The following CADM1 variants were observed in gnomAD, a reference collection of about 807,000 sequenced individuals.
CADM1 encodes the protein cell adhesion molecule 1.
Under a neutral mutation model 53.1 loss-of-function variants are expected in CADM1, and 15 were observed. That is an observed-to-expected ratio of 0.28 (90% CI 0.19 to 0.44). The LOEUF (loss-of-function observed/expected upper bound fraction) is 0.44. Among genes scored for constraint, CADM1 ranks in the 20% least tolerant of loss-of-function variants. CADM1 has a pLI of 1.00. For missense variants in CADM1, 434 were observed against 611.3 expected (o/e 0.71, Z 3.06); for synonymous variants, 281 against 243.0 (o/e 1.16, Z -1.45).
chr11:115,215,746 G>A (rs1941155794), intron 6 of CADM1, among the ~76,000 whole-genome samples: 1 of 152,210 alleles, frequency 6.6e-6, no homozygotes, highest in African/African-American at 2.4e-5. Flanking sequence ...AACCTCCTAT[G>A]AAGTTGAGGC....
rs1412230480 is a variant in CADM1 at position 115,311,495 on chromosome 11, T to C, written c.125-71075A>G. 2.0e-5 allele frequency among the ~76,000 whole-genome samples: 3 copies of C among 152,292 alleles called. No individual in the cohort carries two copies. The East Asian group carries it at 5.8e-4, about 29-fold the overall frequency. On this transcript the variant is annotated intron_variant, in intron 1 of 11. Coordinates refer to ENST00000331581, the MANE Select transcript of CADM1 (RefSeq NM_001301043.2). ...AGGATAGGAAAATCTGCCCCTAGTGTAGACCGTGGGTTTCATATCCCGTAA... is the reference window on the plus strand; with the variant it reads ...AGGATAGGAAAATCTGCCCCTAGTGCAGACCGTGGGTTTCATATCCCGTAA...
chr11:115,494,762 GATAA>G (rs1397674101), intron 1 of CADM1, among the ~76,000 whole-genome samples: 2 of 152,136 alleles, frequency 1.3e-5, no homozygotes, highest in African/African-American at 2.4e-5. Flanking sequence ...AAAAGTGATT[GATAA>G]ATAGAGATAG....
At chr11:115,340,260 G>A (rs558904627) in intron 1 of CADM1, 6 of 152,158 alleles carry the variant, frequency 3.9e-5, no homozygotes, top group African/African-American at 1.2e-4. Flanking sequence ...AAAATAATGT[G>A]TAGGTTTATG....
chr11:115,318,139 C>T (rs1006438389), intron 1 of CADM1, among the ~76,000 whole-genome samples: 1 of 152,114 alleles, frequency 6.6e-6, no homozygotes, highest in African/African-American at 2.4e-5. Context: ...TAATGAGTCT[C>T]TATATCTAAA....
At chr11:115,382,995 C>T (rs1022736840) in intron 1 of CADM1, among the ~76,000 whole-genome samples, 1 of 152,208 alleles carries the variant, frequency 6.6e-6, no homozygotes, top group Non-Finnish European at 1.5e-5. Flanking sequence ...CTTAAAAGCT[C>T]TCACAATAGG....
chr11:115,299,687 C>T (rs1944169259), intron 1 of CADM1, among the ~76,000 whole-genome samples: 1 of 152,100 alleles, frequency 6.6e-6, no homozygotes, highest in African/African-American at 2.4e-5. Context: ...TAAGGTTGGA[C>T]TCCATTATAC....
intron 1 of CADM1, among the ~76,000 whole-genome samples, chr11:115,265,696 A>G (rs1190583957): frequency 6.6e-6 from 1 of 152,206 alleles, no homozygotes; most frequent in Non-Finnish European, 1.5e-5. Context: ...AATCCAAAAG[A>G]ATGACTTATG....
chr11:115,296,081 G>T (rs1944071086), intron 1 of CADM1, among the ~76,000 whole-genome samples: 1 of 152,116 alleles, frequency 6.6e-6, no homozygotes, highest in African/African-American at 2.4e-5. Context: ...CTCCCGAGTA[G>T]CTGGGACTAC....
chr11:115,427,444 G>A lies in CADM1; in HGVS notation c.124+76827C>T, dbSNP rs558356216. Among the ~76,000 whole-genome samples the A allele has an allele frequency of 2.3e-4, 35 of 152,266 alleles. No homozygotes were observed. In the East Asian group the frequency reaches 3.5e-3, roughly 15 times the overall value. On this transcript the variant is annotated intron_variant, in intron 1 of 11. Coordinates refer to ENST00000331581, the MANE Select transcript of CADM1 (RefSeq NM_001301043.2). Reference sequence around the variant, plus strand: ...AATGATGAGGACAGAATGATACTACGTATGCTGTCCCATAGGGTTTCTATG... The same window carrying A: ...AATGATGAGGACAGAATGATACTACATATGCTGTCCCATAGGGTTTCTATG...
chr11:115,278,012 A>T (rs1054478715), intron 1 of CADM1, among the ~76,000 whole-genome samples: 6 of 151,982 alleles, frequency 3.9e-5, no homozygotes, highest in Non-Finnish European at 8.8e-5. Context: ...CTATCCTGTA[A>T]TTCCCACCCC....
At chr11:115,452,501 G>A (rs970795016) in intron 1 of CADM1, among the ~76,000 whole-genome samples, 1 of 152,202 alleles carries the variant, frequency 6.6e-6, no homozygotes, top group Non-Finnish European at 1.5e-5. Context: ...AATATCAACA[G>A]TATGTTTGAT....
chr11:115,217,187 T>C (rs1310661652), intron 6 of CADM1, among the ~76,000 whole-genome samples: 1 of 152,220 alleles, frequency 6.6e-6, no homozygotes, highest in Non-Finnish European at 1.5e-5. Context: ...GTTAAAATGG[T>C]ACCACTGTGT....
chr11:115,416,740 G>T (rs566293981), intron 1 of CADM1, among the ~76,000 whole-genome samples: 1 of 143,016 alleles, frequency 7.0e-6, no homozygotes, highest in East Asian at 2.0e-4. Context: ...CACACAGATA[G>T]ATATTGTACT....
chr11:115,309,902 C>T (rs1944486034), intron 1 of CADM1, among the ~76,000 whole-genome samples: 2 of 152,156 alleles, frequency 1.3e-5, no homozygotes, highest in Non-Finnish European at 2.9e-5. Context: ...TAGCCTCATG[C>T]TTAGAAATCC....
At chr11:115,469,596 T>C (rs1211511174) in intron 1 of CADM1, among the ~76,000 whole-genome samples, 3 of 152,038 alleles carry the variant, frequency 2.0e-5, no homozygotes, top group African/African-American at 4.8e-5. Flanking sequence ...TGGTTCTTTA[T>C]TTAGTTTTTA....
intron 1 of CADM1, among the ~76,000 whole-genome samples, chr11:115,440,068 A>G (rs934435879): frequency 6.6e-6 from 1 of 152,236 alleles, no homozygotes; most frequent in African/African-American, 2.4e-5. Context: ...CTCATAAATT[A>G]CTTAAATGTC....
intron 1 of CADM1, among the ~76,000 whole-genome samples, chr11:115,424,674 G>T (rs760358888): frequency 1.3e-5 from 2 of 151,944 alleles, no homozygotes; most frequent in Non-Finnish European, 2.9e-5. Context: ...TTACAGATGT[G>T]CACCACCATG....
At chr11:115,500,952 TC>T (rs1274581064) in intron 1 of CADM1, among the ~76,000 whole-genome samples, 1 of 152,212 alleles carries the variant, frequency 6.6e-6, no homozygotes, top group Non-Finnish European at 1.5e-5. Context: ...GTCTTCCCTG[TC>T]CCACTCCCCT....
intron 1 of CADM1, among the ~76,000 whole-genome samples, chr11:115,399,961 A>G (rs945195727): frequency 1.3e-5 from 2 of 152,208 alleles, no homozygotes; most frequent in African/African-American, 4.8e-5. Context: ...GAAGCCCACA[A>G]AAACTTTAAA....
Sources: gnomAD v4.1 joint callset for allele counts (sites outside exome capture counted in the v4.1 genomes callset) on GRCh38, gnomAD v4.1.1 for gene constraint, MANE v1.5 for transcripts, NCBI Gene and HGNC (gene_info 2026-07-23, HGNC 2026-07-21) for gene names.